MIDEAS: variants seen among roughly 807,000 people sequenced by gnomAD.
MIDEAS encodes the protein mitotic deacetylase associated SANT domain protein.
Under a neutral mutation model 102.7 loss-of-function variants are expected in MIDEAS, and 26 were observed. That is an observed-to-expected ratio of 0.25 (90% CI 0.19 to 0.35). The LOEUF (loss-of-function observed/expected upper bound fraction) is 0.35. MIDEAS is among the 10% of genes least tolerant of loss of function. MIDEAS has a pLI of 1.00. For missense variants in MIDEAS, 1,231 were observed against 1,435.6 expected (o/e 0.86, Z 2.30); for synonymous variants, 585 against 591.0 (o/e 0.99, Z 0.15).
At chr14:73,720,641 C>G (rs2052977155) in intron 11 of MIDEAS, among the ~76,000 whole-genome samples, 1 of 152,162 alleles carries the variant, frequency 6.6e-6, no homozygotes. Context: ...AGAACTCTCC[C>G]TGGCAAGGAG....
chr14:73,740,162 G>C lies in MIDEAS; in HGVS notation c.-154C>G, dbSNP rs771412788. 37 of 891,306 alleles carry C rather than the reference G, an allele frequency of 4.2e-5. No homozygotes were observed. The highest frequency in any genetic ancestry group is 5.3e-5 in the Non-Finnish European group (35 of 662,606). The allele number at this position is 891,306 out of a possible 1,614,324, so 55.2% of individuals were successfully genotyped here. A position where few individuals can be genotyped will look rare whatever the true frequency, so the allele number is the denominator to read the frequency against. On this transcript the variant is annotated 5_prime_UTR_variant, in exon 2 of 13. Coordinates refer to ENST00000423556, the MANE Select transcript of MIDEAS (RefSeq NM_001367710.1). ...GCTGGACAGTGAGGTCGGACACTGG[G>C]AGAAAGAACTGCTGGCTCTTCCTTT...
chr14:73,758,491 G>C (rs1760378246), intron 1 of MIDEAS, among the ~76,000 whole-genome samples: 1 of 152,170 alleles, frequency 6.6e-6, no homozygotes, highest in African/African-American at 2.4e-5. Context: ...GGCTCCCCCT[G>C]CTGGAGCAAG....
intron 1 of MIDEAS, among the ~76,000 whole-genome samples, chr14:73,769,565 AT>A (rs1290797183): frequency 6.6e-6 from 1 of 151,960 alleles, no homozygotes; most frequent in Non-Finnish European, 1.5e-5. Flanking sequence ...CTAGAATGTG[AT>A]TTGGCATTGT....
chr14:73,745,959 G>A (rs1484449130), intron 1 of MIDEAS, among the ~76,000 whole-genome samples: 1 of 152,174 alleles, frequency 6.6e-6, no homozygotes, highest in Non-Finnish European at 1.5e-5. Flanking sequence ...GAAAAGCAGA[G>A]CCCAGGCCAA....
chr14:73,753,560 CA>C (rs1323847939), intron 1 of MIDEAS, among the ~76,000 whole-genome samples: 2 of 152,236 alleles, frequency 1.3e-5, no homozygotes, highest in Non-Finnish European at 2.9e-5. Context: ...GGTACGCACT[CA>C]ATAAATGTGT....
intron 4 of MIDEAS, chr14:73,728,976 C>CCA (rs2053100991): frequency 6.6e-6 from 1 of 152,304 alleles, no homozygotes; most frequent in Admixed American, 6.5e-5. Context: ...TGGCCAAAGG[C>CCA]ATCTATAAGC....
At chr14:73,779,213 C>T (rs529110328) in intron 1 of MIDEAS, among the ~76,000 whole-genome samples, 1 of 151,594 alleles carries the variant, frequency 6.6e-6, no homozygotes, top group South Asian at 2.1e-4. Flanking sequence ...ATGGTGAAAC[C>T]CTGTGTCTAC....
chr14:73,757,818 T>C (rs1595286606), intron 1 of MIDEAS, among the ~76,000 whole-genome samples: 1 of 152,360 alleles, frequency 6.6e-6, no homozygotes, highest in Non-Finnish European at 1.5e-5. Context: ...GTTCCACTTA[T>C]TGAAAGCAGC....
rs1555346155 is a variant in MIDEAS, at chr14:73,777,072, A to AT, written c.-248+10029_-248+10030insA. On this transcript the variant is annotated intron_variant, in intron 1 of 11. Coordinates refer to the MIDEAS transcript ENST00000394071. ...GCAACAGAGCAAGACTGTCTCAAAAAAAATAAATAAATAAATAAATAAAAG... is the reference window on the plus strand; with the variant it reads ...GCAACAGAGCAAGACTGTCTCAAAAATAAATAAATAAATAAATAAATAAAAG... 3.7e-3 allele frequency among the ~76,000 whole-genome samples: 558 copies of AT among 151,760 alleles called. 7 individuals carry two copies. Among genetic ancestry groups the AT allele is most frequent in the Non-Finnish European group, 5.7e-3 (385 of 67,862 alleles).
intron 1 of MIDEAS, among the ~76,000 whole-genome samples, chr14:73,782,878 C>A (rs1311038634): frequency 6.6e-6 from 1 of 152,206 alleles, no homozygotes; most frequent in African/African-American, 2.4e-5. Context: ...AGCCTGAGGG[C>A]AGCTAACAGG....
intron 1 of MIDEAS, among the ~76,000 whole-genome samples, chr14:73,771,678 C>A (rs890845397): frequency 6.6e-6 from 1 of 152,224 alleles, no homozygotes; most frequent in Non-Finnish European, 1.5e-5. Flanking sequence ...TGCAGCTGCG[C>A]GTCCCAGCAG....
intron 1 of MIDEAS, among the ~76,000 whole-genome samples, chr14:73,779,573 A>ATTTTTT (rs1322412292): frequency 8.3e-6 from 1 of 119,992 alleles, no homozygotes; most frequent in Non-Finnish European, 1.7e-5. Context: ...TATTATTATT[A>ATTTTTT]TTTTTTTTTT....
chr14:73,744,609 G>A (rs574721115), intron 1 of MIDEAS, among the ~76,000 whole-genome samples: 1 of 152,136 alleles, frequency 6.6e-6, no homozygotes, highest in Non-Finnish European at 1.5e-5. Context: ...GAGTCTCCAG[G>A]CGAGTCAGTT....
At chr14:73,741,586 T>C (rs866364323) in intron 1 of MIDEAS, among the ~76,000 whole-genome samples, 2 of 152,242 alleles carry the variant, frequency 1.3e-5, no homozygotes, top group East Asian at 1.9e-4. Context: ...GTCCCGACTA[T>C]ACCCAGTTTG....
rs772233063 is a variant in MIDEAS at position 73,738,629 on chromosome 14, T to C, written c.1380A>G (p.Ala460=). 38 of 1,612,686 alleles carry C rather than the reference T, an allele frequency of 2.4e-5. No homozygotes were observed. The highest frequency in any genetic ancestry group is 3.1e-5 in the Non-Finnish European group (36 of 1,179,316). ...GGGTCAGCAAATTGGCCTCCTGGGA[T>C]GCCCGGCGCCTCCGTCGCGTGCTCT... ...VIQSTRRRRR[A]SQEANLLTLA... Residue 460 remains alanine (A), a synonymous_variant, in exon 2 of 13, where the codon GCA becomes GCG. Coordinates refer to ENST00000423556, the MANE Select transcript of MIDEAS (RefSeq NM_001367710.1).
rs2053535801 is a variant in MIDEAS, at chr14:73,759,752, G to C, written c.-248+11C>G. The C allele has an allele frequency of 6.6e-6, 1 of 151,888 alleles. No homozygotes were observed. Among genetic ancestry groups the C allele is most frequent in the Non-Finnish European group, 1.5e-5 (1 of 67,978 alleles). The allele number at this position is 151,888 out of a possible 1,614,324, so 9.4% of individuals were successfully genotyped here. A position where few individuals can be genotyped will look rare whatever the true frequency, so the allele number is the denominator to read the frequency against. ...GCAGGCCTCGGCCGCCGGCCAGGCA[G>C]CCCCACTTACCCAGCTCTTGCCCGG... On this transcript the variant is annotated intron_variant, in intron 1 of 12. Transcript: ENST00000423556. This position sits in a 1 kb window ranked among gnomAD's most constrained non-coding sequence, Gnocchi z 6.7.
chr14:73,788,531 C>A (rs1487277099), upstream of MIDEAS, among the ~76,000 whole-genome samples: 1 of 152,194 alleles, frequency 6.6e-6, no homozygotes, highest in African/African-American at 2.4e-5. Flanking sequence ...AAGATCGAAG[C>A]TCTCCTAGCA....
intron 9 of MIDEAS, 57 bp from the exon 10 acceptor site, chr14:73,722,904 G>A: frequency 1.3e-6 from 2 of 1,587,738 alleles, no homozygotes; most frequent in Non-Finnish European, 1.7e-6. Flanking sequence ...TCTGCCTGTG[G>A]AGAATCCAGC....
Position 73,725,941 on chromosome 14 carries a change from C to T in MIDEAS, c.2485+92G>A. On this transcript the variant is annotated intron_variant, in intron 8 of 12. Coordinates refer to ENST00000423556, the MANE Select transcript of MIDEAS (RefSeq NM_001367710.1). This position sits in a 1 kb window ranked among gnomAD's most constrained non-coding sequence, Gnocchi z 4.1. ...ATCTACCCTCCTCCTCCCGCCCCCACCCAGGGCTGTGACTCAGCACTGAGC... is the reference window on the plus strand; with the variant it reads ...ATCTACCCTCCTCCTCCCGCCCCCATCCAGGGCTGTGACTCAGCACTGAGC... The T allele has an allele frequency of 8.6e-7, 1 of 1,158,182 alleles. No individual in the cohort carries two copies. The highest frequency in any genetic ancestry group is 1.3e-6 in the Non-Finnish European group (1 of 791,882). 71.7% of individuals were successfully genotyped at this position (1,158,182 alleles called of 1,614,324 possible).
Sources: allele counts gnomAD v4.1 joint callset (sites outside exome capture counted in the v4.1 genomes callset), GRCh38; gene constraint gnomAD v4.1.1; non-coding constraint Gnocchi (gnomAD v3.1); transcripts MANE v1.5; gene names NCBI Gene and HGNC (gene_info 2026-07-23, HGNC 2026-07-21).